UBA1: variants seen among roughly 807,000 people sequenced by gnomAD.
The protein encoded by UBA1 is ubiquitin-like modifier-activating enzyme 1.
A neutral mutation model predicts 84.7 loss-of-function variants in UBA1; 4 were observed. The ratio of observed to expected loss-of-function variants is 0.05; its 90% CI spans 0.02 to 0.11. The LOEUF (loss-of-function observed/expected upper bound fraction) is 0.11, where lower values mean the gene tolerates loss of function less well. Among genes scored for constraint, UBA1 ranks in the 10% least tolerant of loss-of-function variants. UBA1 has a pLI of 1.00. For synonymous variants in UBA1, 364 were observed against 362.6 expected, an observed-to-expected ratio of 1.00 and a Z score of -0.04; for missense variants, 513 against 902.8, an observed-to-expected ratio of 0.57 and a Z score of 5.53.
intron 20 of UBA1, among the ~76,000 whole-genome samples, chrX:47,212,032 C>T (rs993118741): frequency 9.1e-4 from 81 of 88,921 alleles, no homozygotes; most frequent in African/African-American, 3.4e-3. Context: ...GTGTATTCCC[C>T]CCAACTTCCC....
chrX:47,203,253 G>A (rs369766721), intron 13 of UBA1, 39 bp downstream of exon 13: 7 of 1,188,196 alleles, frequency 5.9e-6, no homozygotes, highest in Non-Finnish European at 8.0e-6. Flanking sequence ...CCTCATCTTG[G>A]CCTCTGGCCA....
intron 1 of UBA1, among the ~76,000 whole-genome samples, chrX:47,196,507 A>G (rs782048100): frequency 2.7e-5 from 3 of 111,409 alleles, no homozygotes; most frequent in Admixed American, 9.5e-5. Flanking sequence ...AGCTTTGCCA[A>G]ACAGTTCACA....
chrX:47,207,729 C>T (rs1038835138), intron 16 of UBA1, among the ~76,000 whole-genome samples: 1 of 111,534 alleles, frequency 9.0e-6, no homozygotes, highest in Non-Finnish European at 1.9e-5. Flanking sequence ...ACTGCAGTTC[C>T]AGAGTGGGTA....
At chrX:47,193,027 G>A (rs968851795), upstream of UBA1, among the ~76,000 whole-genome samples, 76 of 111,396 alleles carry the variant, frequency 6.8e-4, no homozygotes, top group Non-Finnish European at 8.9e-4. Flanking sequence ...GGAGAGGGGA[G>A]GTGGGGGCAG....
upstream of UBA1, chrX:47,191,676 G>A (rs1569204092): frequency 8.9e-6 from 1 of 112,366 alleles, no homozygotes; most frequent in Non-Finnish European, 1.9e-5. Flanking sequence ...CCGAAGGGAC[G>A]TGCTGAAGGG....
chrX:47,208,286 TGTGTGTAA>T (rs1229887417), intron 16 of UBA1, among the ~76,000 whole-genome samples: 5 of 109,062 alleles, frequency 4.6e-5, no homozygotes, highest in African/African-American at 1.4e-4. Flanking sequence ...TGTGTGTGTG[TGTGTGTAA>T]GTGTCTGTGT....
chrX:47,206,143 G>A (rs782459081), intron 15 of UBA1, 30 bp downstream of exon 15: 11 of 1,186,141 alleles, frequency 9.3e-6, no homozygotes, highest in South Asian at 3.7e-5. Context: ...AGGTGGTCAC[G>A]GGCAAAGTTG....
Position 47,210,646 on chromosome X carries a change from G to T in UBA1, c.2200-196G>T, listed in dbSNP as rs141814896. ...AATGGCTACCCAGTGATTGGTAATT[G>T]TTCTCTCAGCCAGATCTCTGGTTCA... On this transcript the variant is annotated intron_variant, in intron 18 of 25. Coordinates refer to ENST00000335972, the MANE Select transcript of UBA1 (RefSeq NM_003334.4). Among the ~76,000 whole-genome samples the T allele has an allele frequency of 9.2e-3, 1,028 of 111,675 alleles. 8 individuals are homozygous for T. Among genetic ancestry groups the T allele is most frequent in the African/African-American group, 0.03 (909 of 30,649 alleles).
At chrX:47,209,846 A>G in intron 17 of UBA1, 82 bp from the exon 18 acceptor site, 1 of 1,142,142 alleles carries the variant, frequency 8.8e-7, no homozygotes. Context: ...CTAGTTTTCC[A>G]TGGAGAAAGT....
chrX:47,194,616 A>G lies in UBA1; in HGVS notation c.-1+592A>G, dbSNP rs1028115873. 2.7e-5 allele frequency among the ~76,000 whole-genome samples: 3 copies of G among 111,625 alleles called. No homozygotes were observed. The Admixed American group carries it at 2.8e-4, about 11-fold the overall frequency. ...GGGGTACTAGACCCTGTGAAAGGCC[A>G]TTTGGGCCTGGCCTTTGTGTCGGGG... On this transcript the variant is annotated intron_variant, in intron 1 of 25. Transcript: ENST00000335972.
Position 47,199,582 on chromosome X carries a change from C to A in UBA1, c.448C>A (p.Pro150Thr), listed in dbSNP as rs781848491. 8.3e-7 allele frequency: 1 copy of A among 1,211,620 alleles called. No homozygotes were observed. Among genetic ancestry groups the A allele is most frequent in the Non-Finnish European group, 1.1e-6 (1 of 895,336 alleles). Residue 150 changes from proline (P) to threonine (T), a missense_variant, in exon 5 of 26, where the codon CCC becomes ACC. Coordinates refer to ENST00000335972, the MANE Select transcript of UBA1 (RefSeq NM_003334.4). Reference sequence around the variant, plus strand: ...TGTGCCTGTCACTGCCTACACTGGACCCCTCGTTGAGGACTTCCTTAGTGG... The same window carrying A: ...TGTGCCTGTCACTGCCTACACTGGAACCCTCGTTGAGGACTTCCTTAGTGG... ...SYVPVTAYTG[P>T]LVEDFLSGFQ...
Position 47,215,052 on chromosome X carries a change from C to G in UBA1, c.*123C>G. 9.8e-7 allele frequency: 1 copy of G among 1,016,503 alleles called. No homozygotes were observed. Among genetic ancestry groups the G allele is most frequent in the Non-Finnish European group, 1.4e-6 (1 of 732,417 alleles). 83.8% of individuals were successfully genotyped at this position (1,016,503 alleles called of 1,213,427 possible). A position where few individuals can be genotyped will look rare whatever the true frequency, so the allele number is the denominator to read the frequency against. On this transcript the variant is annotated 3_prime_UTR_variant, in exon 26 of 26. Transcript: ENST00000335972. ...CAAGTCTGGTGTTCCCTCATCATCC[C>G]CCTACCTGAACCCCTCTTGCCACTG...
intron 4 of UBA1, 46 bp downstream of exon 4, chrX:47,199,423 C>A: frequency 1.7e-6 from 2 of 1,211,995 alleles, no homozygotes; most frequent in Non-Finnish European, 2.2e-6. Context: ...TCCCGAGGCA[C>A]CACTGTTCCC....
chrX:47,206,220 C>A, intron 15 of UBA1, 28 bp from the exon 16 acceptor site: 1 of 1,190,388 alleles, frequency 8.4e-7, no homozygotes, highest in Non-Finnish European at 1.1e-6. Flanking sequence ...ATGTTTCTTT[C>A]CTAGCTCTCG....
chrX:47,191,363 G>A (rs1330856277), upstream of UBA1: 1 of 111,558 alleles, frequency 9.0e-6, no homozygotes, highest in Non-Finnish European at 1.9e-5. Context: ...GCATTGTGGA[G>A]GTGTCAGGCC....
chrX:47,195,070 C>T (rs1936152573), intron 1 of UBA1, among the ~76,000 whole-genome samples: 1 of 111,267 alleles, frequency 9.0e-6, no homozygotes, highest in Admixed American at 9.5e-5. Context: ...AACCTGGGTT[C>T]TAGCTGCTTT....
intron 1 of UBA1, among the ~76,000 whole-genome samples, chrX:47,195,483 TCA>T (rs1936174440): frequency 9.0e-6 from 1 of 111,353 alleles, no homozygotes; most frequent in Non-Finnish European, 1.9e-5. Flanking sequence ...ACTCCTGACC[TCA>T]GGTGATCCAC....
intron 14 of UBA1, among the ~76,000 whole-genome samples, chrX:47,204,106 CCTT>C (rs1315702964): frequency 9.5e-6 from 1 of 105,370 alleles, no homozygotes; most frequent in Admixed American, 1.0e-4. Context: ...TGCCAGAAGC[CCTT>C]CTTTTTGGCC....
chrX:47,209,118 A>G (rs1936811148), intron 16 of UBA1: 1 of 181,278 alleles, frequency 5.5e-6, no homozygotes. Flanking sequence ...AGTTTTCCAC[A>G]TACACAGCAC....
Sources: allele counts gnomAD v4.1 joint callset (sites outside exome capture counted in the v4.1 genomes callset), GRCh38; gene constraint gnomAD v4.1.1; transcripts MANE v1.5; gene names NCBI Gene and HGNC (gene_info 2026-07-23, HGNC 2026-07-21).